The following SHB variants were observed in gnomAD, a reference collection of about 807,000 sequenced individuals.
SHB encodes the protein SH2 domain-containing adapter protein B.
A neutral mutation model predicts 52.3 loss-of-function variants in SHB; 20 were observed. That is an observed-to-expected ratio of 0.38 (90% CI 0.27 to 0.56). The LOEUF (loss-of-function observed/expected upper bound fraction) is 0.56. Ranked by LOEUF, SHB falls within the 20% of genes least tolerant of loss-of-function variation. SHB has a pLI of 0.71. For synonymous variants in SHB, 397 were observed against 316.5 expected, an observed-to-expected ratio of 1.25 and a Z score of -2.70; for missense variants, 825 against 723.3, an observed-to-expected ratio of 1.14 and a Z score of -1.61.
intron 4 of SHB, among the ~76,000 whole-genome samples, 197 bp from the exon 5 acceptor site, chr9:37,948,951 T>C (rs1832527599): frequency 6.6e-6 from 1 of 152,178 alleles, no homozygotes; most frequent in Admixed American, 6.5e-5. Flanking sequence ...CCAGTCTCTT[T>C]TCACGGGAAG....
chr9:38,040,250 G>A (rs534012878), intron 1 of SHB, among the ~76,000 whole-genome samples: 6 of 152,292 alleles, frequency 3.9e-5, no homozygotes, highest in African/African-American at 9.6e-5. Flanking sequence ...CCTCGACTGC[G>A]CCACTGGCTG....
chr9:37,954,484 G>C (rs1832605447), intron 4 of SHB, among the ~76,000 whole-genome samples: 2 of 152,138 alleles, frequency 1.3e-5, no homozygotes, highest in South Asian at 4.1e-4. Flanking sequence ...AAGTGGAGGA[G>C]AGGGGAGGGG....
At chr9:38,042,714 G>C (rs1351942422) in intron 1 of SHB, among the ~76,000 whole-genome samples, 1 of 152,220 alleles carries the variant, frequency 6.6e-6, no homozygotes, top group Non-Finnish European at 1.5e-5. Context: ...GCCACAGCCA[G>C]AATAGCAGGG....
chr9:38,027,378 C>A (rs1425748231), intron 1 of SHB, among the ~76,000 whole-genome samples: 3 of 152,166 alleles, frequency 2.0e-5, no homozygotes, highest in South Asian at 2.1e-4. Flanking sequence ...ATACATAGTG[C>A]CTGTCACATT....
intron 1 of SHB, among the ~76,000 whole-genome samples, chr9:38,022,253 CCT>C (rs569380105): frequency 3.3e-5 from 5 of 152,204 alleles, no homozygotes; most frequent in Non-Finnish European, 5.9e-5. Flanking sequence ...AGCAAGCCCC[CCT>C]GTCTAGGGCC....
intron 4 of SHB, among the ~76,000 whole-genome samples, chr9:37,949,463 T>C (rs1416356012): frequency 2.0e-5 from 3 of 149,438 alleles, no homozygotes; most frequent in Non-Finnish European, 4.4e-5. Context: ...AAAAGTGACA[T>C]TTCAGTGCAG....
chr9:37,931,449 AAAG>A (rs1832309923), intron 5 of SHB, among the ~76,000 whole-genome samples: 1 of 152,258 alleles, frequency 6.6e-6, no homozygotes, highest in East Asian at 1.9e-4. Context: ...ACATTTCTCC[AAAG>A]AAGACATAAA....
At chr9:38,023,017 C>T (rs1821300393) in intron 1 of SHB, among the ~76,000 whole-genome samples, 1 of 152,176 alleles carries the variant, frequency 6.6e-6, no homozygotes, top group Non-Finnish European at 1.5e-5. Flanking sequence ...ACGTAGAGGT[C>T]TGAGCTGCCC....
chr9:38,035,532 C>T (rs1017904163), intron 1 of SHB, among the ~76,000 whole-genome samples: 2 of 152,112 alleles, frequency 1.3e-5, no homozygotes, highest in African/African-American at 2.4e-5. Flanking sequence ...AGAGGTTCTC[C>T]ACCTCTTTCC....
chr9:38,063,117 A>G (rs141477060), intron 1 of SHB, among the ~76,000 whole-genome samples: 3 of 152,310 alleles, frequency 2.0e-5, no homozygotes, highest in African/African-American at 7.2e-5. Context: ...TTTCTCTCAC[A>G]CTGCTTTCAG....
chr9:38,067,837 G>A, intron 1 of SHB, 92 bp downstream of exon 1: 2 of 1,311,980 alleles, frequency 1.5e-6, no homozygotes, highest in East Asian at 3.1e-5. Flanking sequence ...CGAAGCTGAA[G>A]TAGAGACTCA....
intron 1 of SHB, among the ~76,000 whole-genome samples, chr9:38,037,203 C>T (rs1434448978): frequency 6.6e-6 from 1 of 152,200 alleles, no homozygotes; most frequent in Non-Finnish European, 1.5e-5. Context: ...AACAAGAGAA[C>T]TGGAGAAAGA....
intron 3 of SHB, among the ~76,000 whole-genome samples, chr9:37,958,176 G>C (rs146082688): frequency 4.6e-5 from 7 of 152,328 alleles, no homozygotes; most frequent in South Asian, 2.1e-4. Flanking sequence ...TGGCTAATTA[G>C]AGGGACAGAG....
chr9:38,064,384 A>T (rs1304870099), intron 1 of SHB, among the ~76,000 whole-genome samples: 1 of 152,090 alleles, frequency 6.6e-6, no homozygotes, highest in Non-Finnish European at 1.5e-5. Context: ...CATTCCCCAA[A>T]CAAGGCCCAG....
intron 3 of SHB, among the ~76,000 whole-genome samples, chr9:37,958,074 G>A (rs1361745945): frequency 2.0e-5 from 3 of 152,214 alleles, no homozygotes; most frequent in Non-Finnish European, 4.4e-5. Flanking sequence ...GGATTGCTGT[G>A]CTGAAAAGAG....
chr9:37,948,809 C>G (rs1587206373), intron 4 of SHB, 55 bp from the exon 5 acceptor site: 7 of 1,606,234 alleles, frequency 4.4e-6, no homozygotes, highest in Non-Finnish European at 5.9e-6. Context: ...TCCCATGGCC[C>G]TGACCTGCCT....
chr9:38,058,770 C>T (rs1046821073), intron 1 of SHB, among the ~76,000 whole-genome samples: 27 of 152,294 alleles, frequency 1.8e-4, no homozygotes, highest in African/African-American at 6.0e-4. Flanking sequence ...CCTGAACCAC[C>T]GAGGCATGCT....
intron 5 of SHB, among the ~76,000 whole-genome samples, chr9:37,930,726 A>G (rs1832303215): frequency 6.6e-6 from 1 of 152,238 alleles, no homozygotes; most frequent in East Asian, 1.9e-4. Flanking sequence ...GTCATTCTTC[A>G]CAGCAAAAGA....
intron 3 of SHB, among the ~76,000 whole-genome samples, chr9:37,962,775 A>G (rs982306332): frequency 1.3e-5 from 2 of 151,844 alleles, no homozygotes; most frequent in Non-Finnish European, 2.9e-5. Context: ...GTCTCCCCCA[A>G]ACGCTGGGAT....
Sources: gnomAD v4.1 joint callset for allele counts (sites outside exome capture counted in the v4.1 genomes callset) on GRCh38, gnomAD v4.1.1 for gene constraint, MANE v1.5 for transcripts, NCBI Gene and HGNC (gene_info 2026-07-23, HGNC 2026-07-21) for gene names.